Variants in ACSM1 observed in about 807,000 individuals in gnomAD.
ACSM1 encodes acyl-CoA synthetase medium chain family member 1.
A neutral mutation model predicts 75.8 loss-of-function variants in ACSM1; 79 were observed. The observed-to-expected ratio is 1.04, with a 90% CI of 0.87 to 1.26. The LOEUF (loss-of-function observed/expected upper bound fraction) is 1.26. Ranked by LOEUF, ACSM1 falls within the 50% of genes most tolerant of loss-of-function variation. The pLI is 0.00. For synonymous variants in ACSM1, 279 were observed against 265.8 expected, an observed-to-expected ratio of 1.05 and a Z score of -0.48; for missense variants, 676 against 720.1, an observed-to-expected ratio of 0.94 and a Z score of 0.70.
At chr16:20,662,280 G>A (rs2019340216) in intron 6 of ACSM1, among the ~76,000 whole-genome samples, 1 of 152,160 alleles carries the variant, frequency 6.6e-6, no homozygotes, top group Non-Finnish European at 1.5e-5. Context: ...AATAGATATG[G>A]TGTCTACAGG....
chr16:20,670,364 TA>T (rs1461903071), intron 5 of ACSM1, among the ~76,000 whole-genome samples: 1 of 151,712 alleles, frequency 6.6e-6, no homozygotes, highest in African/African-American at 2.4e-5. Context: ...TCAACTGTGT[TA>T]ATTTCCATCA....
At chr16:20,627,885 T>TGTATACATATATGTATAC (rs2017074353) in intron 10 of ACSM1, among the ~76,000 whole-genome samples, 1 of 19,716 alleles carries the variant, frequency 5.1e-5, no homozygotes, top group South Asian at 1.2e-3. Flanking sequence ...TATATATATA[T>TGTATACATATATGTATAC]ATATATATAT....
intron 7 of ACSM1, among the ~76,000 whole-genome samples, chr16:20,645,977 C>T (rs2018338333): frequency 6.6e-6 from 1 of 152,202 alleles, no homozygotes; most frequent in Non-Finnish European, 1.5e-5. Context: ...AAGTTTATCA[C>T]TCAGTCAGCT....
intron 6 of ACSM1, among the ~76,000 whole-genome samples, chr16:20,664,459 C>G (rs190480774): frequency 6.6e-6 from 1 of 152,194 alleles, no homozygotes; most frequent in East Asian, 1.9e-4. Context: ...AAGACTTAAC[C>G]GTCCTGAATA....
At chr16:20,635,632 C>CA (rs2017654825) in intron 10 of ACSM1, among the ~76,000 whole-genome samples, 2 of 115,758 alleles carry the variant, frequency 1.7e-5, no homozygotes, top group African/African-American at 3.8e-5. Flanking sequence ...TTCTTTCTTT[C>CA]TTTCTTTCTT....
chr16:20,686,856 G>A (rs1031489233), intron 2 of ACSM1, among the ~76,000 whole-genome samples: 3 of 151,676 alleles, frequency 2.0e-5, no homozygotes, highest in African/African-American at 7.3e-5. Context: ...ATGTTAATTG[G>A]TATGACTGCA....
intron 6 of ACSM1, among the ~76,000 whole-genome samples, chr16:20,666,765 T>C (rs1461085518): frequency 2.0e-5 from 3 of 152,036 alleles, no homozygotes; most frequent in Admixed American, 6.6e-5. Flanking sequence ...AACAGACAAA[T>C]ACACCAGTGA....
chr16:20,677,394 G>A (rs577818458), intron 4 of ACSM1, among the ~76,000 whole-genome samples: 105 of 152,314 alleles, frequency 6.9e-4, no homozygotes, highest in African/African-American at 2.5e-3. Flanking sequence ...CAGGCAATTA[G>A]ATTCTGTGGC....
Position 20,685,272 on chromosome 16 carries a change from T to C in ACSM1, c.324A>G (p.Leu108=), listed in dbSNP as rs1368335925. ...TCAAGGCCAGATGGTCTCCCTGTTGTAGGCCACAGGTCTGTGTGAAGACGT... is the reference window on the plus strand; with the variant it reads ...TCAAGGCCAGATGGTCTCCCTGTTGCAGGCCACAGGTCTGTGTGAAGACGT... The part of the protein sequence containing the change: ...VANVFTQTCG[L]QQGDHLALML... Residue 108 remains leucine, a synonymous_variant, in exon 3 of 14, where the codon CTA becomes CTG. Coordinates refer to ENST00000520010, the MANE Select transcript of ACSM1 (RefSeq NM_001318890.3). The C allele has an allele frequency of 7.4e-6, 12 of 1,614,084 alleles. No individual in the cohort carries two copies. The highest frequency in any genetic ancestry group is 7.6e-6 in the Non-Finnish European group (9 of 1,180,036).
At chr16:20,635,068 G>A (rs540905174) in intron 10 of ACSM1, among the ~76,000 whole-genome samples, 1 of 151,874 alleles carries the variant, frequency 6.6e-6, no homozygotes, top group South Asian at 2.1e-4. Context: ...TATGTTAGGA[G>A]TTCTTTGGAA....
At chr16:20,642,159 C>T (rs955288714) in intron 7 of ACSM1, among the ~76,000 whole-genome samples, 6 of 151,978 alleles carry the variant, frequency 3.9e-5, no homozygotes, top group African/African-American at 1.2e-4. Context: ...GTTTGGTCAA[C>T]GTGGGCACTA....
chr16:20,683,607 C>T (rs1430035426), intron 3 of ACSM1, among the ~76,000 whole-genome samples: 2 of 150,022 alleles, frequency 1.3e-5, no homozygotes, highest in African/African-American at 2.5e-5. Flanking sequence ...GTTTCTAATC[C>T]TCTTTAATTC....
At position 20,657,560 on chromosome 16, in the gene ACSM1, C is replaced by T. The variant is rs1270759215; in HGVS notation, c.992+4234G>A. Among the ~76,000 whole-genome samples, 19 of 152,076 alleles carry T rather than the reference C, an allele frequency of 1.2e-4. 1 individual carries two copies. The highest frequency in any genetic ancestry group is 6.5e-5 in the Admixed American group (1 of 15,272). On this transcript the variant is annotated intron_variant, in intron 7 of 13. Coordinates refer to ENST00000520010, the MANE Select transcript of ACSM1 (RefSeq NM_001318890.3). ...CTGACCTCAGGTGATCCACCCACCT[C>T]GGCCTCCCAAAGTGCTGGGATTACA...
intron 4 of ACSM1, chr16:20,674,467 A>C (rs2020147588): frequency 6.6e-6 from 1 of 151,478 alleles, no homozygotes. Flanking sequence ...CACCCCCAAA[A>C]TGCTTAAAAG....
intron 6 of ACSM1, among the ~76,000 whole-genome samples, chr16:20,666,904 T>C (rs1288694378): frequency 6.6e-6 from 1 of 152,202 alleles, no homozygotes; most frequent in African/African-American, 2.4e-5. Flanking sequence ...TGTAGCAGAA[T>C]AAACCTGGGC....
intron 3 of ACSM1, among the ~76,000 whole-genome samples, chr16:20,684,567 T>A (rs1280347586): frequency 6.6e-6 from 1 of 152,170 alleles, no homozygotes; most frequent in Non-Finnish European, 1.5e-5. Flanking sequence ...AAATACAAAT[T>A]TGGAGATATA....
At chr16:20,636,913 G>C (rs2017752413) in intron 9 of ACSM1, 73 bp from the exon 10 acceptor site, 2 of 1,049,656 alleles carry the variant, frequency 1.9e-6, no homozygotes, top group South Asian at 2.6e-5. Flanking sequence ...GCACTGTCTG[G>C]TTTATGCATG....
chr16:20,636,559 G>T (rs1400378493), intron 10 of ACSM1, among the ~76,000 whole-genome samples, 180 bp downstream of exon 10: 1 of 152,180 alleles, frequency 6.6e-6, no homozygotes, highest in African/African-American at 2.4e-5. Flanking sequence ...CATCCCAAAA[G>T]TTCCAGGTGG....
intron 6 of ACSM1, among the ~76,000 whole-genome samples, chr16:20,665,275 G>A (rs949948860): frequency 1.3e-5 from 2 of 151,992 alleles, no homozygotes; most frequent in Admixed American, 6.6e-5. Flanking sequence ...AAAAAAATGA[G>A]AAGATCAAAA....
Sources: gnomAD v4.1 joint callset for allele counts (sites outside exome capture counted in the v4.1 genomes callset) on GRCh38, gnomAD v4.1.1 for gene constraint, MANE v1.5 for transcripts, NCBI Gene and HGNC (gene_info 2026-07-23, HGNC 2026-07-21) for gene names.